Variants in PSD3 observed in about 807,000 individuals in gnomAD.
The protein encoded by PSD3 is PH and SEC7 domain-containing protein 3.
A neutral mutation model predicts 105.5 loss-of-function variants in PSD3; 49 were observed. The ratio of observed to expected loss-of-function variants is 0.46; its 90% CI spans 0.37 to 0.59. PSD3 has a LOEUF of 0.59. Among genes scored for constraint, PSD3 ranks in the 20% least tolerant of loss-of-function variants. The probability of loss-of-function intolerance (pLI) is 0.00; values close to 1 mark genes in which losing one functional copy is unlikely to be tolerated. For missense variants in PSD3, 1,561 were observed against 1,263.8 expected (o/e 1.24, Z -3.57); for synonymous variants, 557 against 457.8 (o/e 1.22, Z -2.77).
chr8:18,754,960 G>T (rs1805896746), intron 9 of PSD3, among the ~76,000 whole-genome samples: 2 of 151,982 alleles, frequency 1.3e-5, no homozygotes, highest in African/African-American at 2.4e-5. Context: ...TGCATTGCTG[G>T]TCTGCTGAAA....
At chr8:18,725,961 A>ACT (rs1189166786) in intron 9 of PSD3, among the ~76,000 whole-genome samples, 2 of 152,178 alleles carry the variant, frequency 1.3e-5, no homozygotes, top group Non-Finnish European at 2.9e-5. Flanking sequence ...TTCCACACCC[A>ACT]CTGAGAGTGC....
chr8:18,594,254 T>TATAATATGTATTATATATA (rs1803881719), intron 12 of PSD3, among the ~76,000 whole-genome samples: 1 of 19,282 alleles, frequency 5.2e-5, no homozygotes, highest in East Asian at 1.7e-3. Flanking sequence ...ATATATATTA[T>TATAATATGTATTATATATA]ATAATATATA....
At chr8:19,018,055 C>T (rs1182781339), upstream of PSD3, among the ~76,000 whole-genome samples, 1 of 152,132 alleles carries the variant, frequency 6.6e-6, no homozygotes, top group East Asian at 1.9e-4. Context: ...CATCCTCACC[C>T]ACACTCATTA....
At chr8:18,846,425 C>T (rs1049437996) in intron 4 of PSD3, among the ~76,000 whole-genome samples, 2 of 152,106 alleles carry the variant, frequency 1.3e-5, no homozygotes, top group Non-Finnish European at 2.9e-5. Context: ...AACGATAGAA[C>T]AGTTTCTACC....
chr8:18,943,702 T>C (rs1822695476), intron 1 of PSD3, among the ~76,000 whole-genome samples: 1 of 152,114 alleles, frequency 6.6e-6, no homozygotes, highest in African/African-American at 2.4e-5. Context: ...GCCCCTCCCC[T>C]ACTCAGGTAA....
intron 3 of PSD3, among the ~76,000 whole-genome samples, chr8:18,869,198 T>C (rs1287428429): frequency 6.7e-6 from 1 of 149,744 alleles, no homozygotes; most frequent in East Asian, 1.9e-4. Flanking sequence ...TGCTTTTTTT[T>C]TTTTTTTTTG....
chr8:18,921,455 G>A (rs958928878), intron 2 of PSD3, among the ~76,000 whole-genome samples: 11 of 152,318 alleles, frequency 7.2e-5, no homozygotes, highest in African/African-American at 2.6e-4. Context: ...CATGGGTTAA[G>A]TAGAGCCTAG....
intron 4 of PSD3, among the ~76,000 whole-genome samples, chr8:18,831,220 TTCC>T (rs907321403): frequency 7.2e-5 from 11 of 152,340 alleles, no homozygotes; most frequent in Non-Finnish European, 1.2e-4. Context: ...ACATCTCAGC[TTCC>T]TCATCTGTAA....
chr8:18,541,116 C>T (rs889829006), intron 15 of PSD3, among the ~76,000 whole-genome samples: 9 of 151,196 alleles, frequency 6.0e-5, no homozygotes, highest in Middle Eastern at 3.2e-3. Flanking sequence ...TTTATGTTTT[C>T]CTTAGCACTT....
At chr8:18,962,635 C>T (rs1315110934) in intron 1 of PSD3, among the ~76,000 whole-genome samples, 1 of 152,226 alleles carries the variant, frequency 6.6e-6, no homozygotes, top group African/African-American at 2.4e-5. Context: ...ATTCCCTCCA[C>T]AGCATCCTGC....
chr8:18,909,991 G>C (rs1341797701), intron 2 of PSD3, among the ~76,000 whole-genome samples: 1 of 152,184 alleles, frequency 6.6e-6, no homozygotes, highest in Non-Finnish European at 1.5e-5. Context: ...TTATAACAGA[G>C]AAGGAATTTA....
intron 1 of PSD3, among the ~76,000 whole-genome samples, chr8:19,026,444 G>C (rs1827552824): frequency 6.6e-6 from 1 of 152,072 alleles, no homozygotes; most frequent in African/African-American, 2.4e-5. Context: ...GTTCTGAATT[G>C]TGAATGCAAA....
chr8:18,561,441 G>T (rs567668518), intron 14 of PSD3, among the ~76,000 whole-genome samples: 1 of 152,112 alleles, frequency 6.6e-6, no homozygotes, highest in Non-Finnish European at 1.5e-5. Flanking sequence ...ATAGAAATAA[G>T]GAGAATGGTG....
At chr8:18,727,871 T>A (rs1277593343) in intron 9 of PSD3, among the ~76,000 whole-genome samples, 4 of 152,144 alleles carry the variant, frequency 2.6e-5, no homozygotes, top group African/African-American at 9.7e-5. Context: ...GTTGGCCTCC[T>A]CATTGCCCTA....
At chr8:18,832,156 T>C (rs890942334) in intron 4 of PSD3, among the ~76,000 whole-genome samples, 4 of 152,316 alleles carry the variant, frequency 2.6e-5, no homozygotes, top group South Asian at 4.1e-4. Context: ...GGAGTTCTCA[T>C]ACTTTATGAG....
At chr8:18,895,731 T>C (rs553060188) in intron 2 of PSD3, among the ~76,000 whole-genome samples, 1 of 152,246 alleles carries the variant, frequency 6.6e-6, no homozygotes, top group Admixed American at 6.5e-5. Context: ...CACACATATA[T>C]GATGTGATAT....
At chr8:18,805,431 T>C (rs1368486699) in intron 4 of PSD3, among the ~76,000 whole-genome samples, 1 of 152,170 alleles carries the variant, frequency 6.6e-6, no homozygotes. Context: ...ATTAAGAAAA[T>C]GTGCCCTCAC....
At chr8:18,590,540 G>A (rs565766089) in intron 12 of PSD3, among the ~76,000 whole-genome samples, 1 of 152,188 alleles carries the variant, frequency 6.6e-6, no homozygotes. Context: ...ATGACATTAG[G>A]TATAATCTTT....
intron 9 of PSD3, among the ~76,000 whole-genome samples, chr8:18,748,275 C>G (rs1462754896): frequency 6.6e-6 from 1 of 151,996 alleles, no homozygotes; most frequent in Non-Finnish European, 1.5e-5. Flanking sequence ...TAGATGCATG[C>G]TTTCAAAATA....
Sources: gnomAD v4.1 joint callset for allele counts (sites outside exome capture counted in the v4.1 genomes callset) on GRCh38, gnomAD v4.1.1 for gene constraint, MANE v1.5 for transcripts, NCBI Gene and HGNC (gene_info 2026-07-23, HGNC 2026-07-21) for gene names.